Variants in EPOR observed in about 807,000 individuals in gnomAD.
EPOR encodes the protein erythropoietin receptor.
A neutral mutation model predicts 34.3 loss-of-function variants in EPOR; 20 were observed. The ratio of observed to expected loss-of-function variants is 0.58; its 90% confidence interval spans 0.41 to 0.85. The LOEUF is 0.85. Among genes scored for constraint, EPOR ranks in the 40% least tolerant of loss-of-function variants. The pLI, the probability that EPOR is intolerant of heterozygous loss-of-function variation, is 0.00. For synonymous variants in EPOR, 312 were observed against 299.0 expected (o/e 1.04, Z -0.45); for missense variants, 601 against 672.7 (o/e 0.89, Z 1.18).
chr19:11,381,894 C>T lies in EPOR; in HGVS notation c.427+36G>A. ...TCAGGTGGGCGAGGACTGAGACCCT[C>T]TCCTCCGACCACTCCTCCATTCCCA... On this transcript the variant is annotated intron_variant, in intron 3 of 7. Coordinates refer to ENST00000222139, the MANE Select transcript of EPOR (RefSeq NM_000121.4). The surrounding 1 kb of genome is among the most constrained non-coding windows in gnomAD (Gnocchi z 5.3). 2 of 1,614,242 alleles carry T rather than the reference C, an allele frequency of 1.2e-6. No individual in the cohort carries two copies. Among genetic ancestry groups the T allele is most frequent in the Non-Finnish European group, 1.7e-6 (2 of 1,180,030 alleles).
rs771993916 is a variant in EPOR at position 11,378,794 on chromosome 19, T to C, written c.828-16A>G. The C allele has an allele frequency of 6.2e-7, 1 of 1,613,062 alleles. No individual in the cohort carries two copies. Among genetic ancestry groups the C allele is most frequent in the Non-Finnish European group, 8.5e-7 (1 of 1,179,250 alleles). The stretch of plus-strand genomic sequence containing the variant: ...CTTCAGAGCCCTGTTGAAGCCAATA[T>C]AAATAGTTACATAGATATGACTCAT... On this transcript the variant is annotated splice_polypyrimidine_tract_variant and intron_variant, in intron 6 of 7. Coordinates refer to ENST00000222139, the MANE Select transcript of EPOR (RefSeq NM_000121.4). This position sits in a 1 kb window ranked among gnomAD's most constrained non-coding sequence, Gnocchi z 5.3.
chr19:11,378,362 C>T lies in EPOR; in HGVS notation c.1149G>A (p.Glu383=). ...CACTGCCACCAGGCCCTGGGAGGTC[C>T]TCACTGGGCGGGTTCCGGGGCAGCA... ...KWLLPRNPPS[E]DLPGPGGSVD... is the part of the protein sequence containing the mutation. Residue 383 remains glutamate, a synonymous_variant, in exon 8 of 8, where the codon GAG becomes GAA. Coordinates refer to ENST00000222139, the MANE Select transcript of EPOR (RefSeq NM_000121.4). The surrounding 1 kb of genome is among the most constrained non-coding windows in gnomAD (Gnocchi z 5.3). 6.2e-7 allele frequency: 1 copy of T among 1,613,384 alleles called. No individual in the cohort carries two copies.
At position 11,378,010 on chromosome 19, in the gene EPOR, G is replaced by A. The variant is rs369228469; in HGVS notation, c.1501C>T (p.Pro501Ser). The A allele has an allele frequency of 1.2e-6, 2 of 1,614,036 alleles. No homozygotes were observed. Among genetic ancestry groups the A allele is most frequent in the African/African-American group, 2.7e-5 (2 of 74,918 alleles). The part of the protein sequence containing the change: ...NSLIPAAEPL[P>S]PSYVACS Reference sequence around the variant, plus strand: ...TAAGAGCAAGCCACATAGCTGGGGGGCAGAGGCTCAGCGGCTGGGATAAGG... The same window carrying A: ...TAAGAGCAAGCCACATAGCTGGGGGACAGAGGCTCAGCGGCTGGGATAAGG... Residue 501 changes from proline to serine, a missense_variant, in exon 8 of 8, where the codon CCC becomes TCC. Coordinates refer to ENST00000222139, the MANE Select transcript of EPOR (RefSeq NM_000121.4). The surrounding 1 kb of genome is among the most constrained non-coding windows in gnomAD (Gnocchi z 5.3).
chr19:11,383,983 G>A lies in EPOR; in HGVS notation c.115+110C>T. On this transcript the variant is annotated intron_variant, in intron 1 of 7. Coordinates refer to ENST00000222139, the MANE Select transcript of EPOR (RefSeq NM_000121.4). The surrounding 1 kb of genome is among the most constrained non-coding windows in gnomAD (Gnocchi z 4.9). ...ATGCCAGCTTGGCCCCCAGGACCCG[G>A]TCAGGAAGTCCAGAAACAGGCATGG... 1 of 784,716 alleles carries A rather than the reference G, an allele frequency of 1.3e-6. No individual in the cohort carries two copies. 48.6% of individuals were successfully genotyped at this position (784,716 alleles called of 1,614,324 possible).
At position 11,381,072 on chromosome 19, in the gene EPOR, C is replaced by A. The variant is rs984466358; in HGVS notation, c.723G>T (p.Ser241=). The change falls in exon 5 of 8, where the codon TCG becomes TCT. Residue 241 remains serine (S), a synonymous_variant. Coordinates refer to ENST00000222139, the MANE Select transcript of EPOR (RefSeq NM_000121.4). This position sits in a 1 kb window ranked among gnomAD's most constrained non-coding sequence, Gnocchi z 5.3. ...GFWSAWSEPV[S]LLTPSDLDPL... Reference sequence around the variant, plus strand: ...GGGCCTCACCGCTAGGCGTCAGCAGCGACACAGGCTCCGACCAGGCGCTCC... The same window carrying A: ...GGGCCTCACCGCTAGGCGTCAGCAGAGACACAGGCTCCGACCAGGCGCTCC... 2.5e-6 allele frequency: 4 copies of A among 1,602,074 alleles called. No individual in the cohort carries two copies. The Admixed American group carries it at 5.1e-5, about 20-fold the overall frequency.
rs748484141 is a variant in EPOR at position 11,381,746 on chromosome 19, G to T, written c.531C>A (p.His177Gln). The T allele has an allele frequency of 3.1e-6, 5 of 1,613,290 alleles. No individual in the cohort carries two copies. Among genetic ancestry groups the T allele is most frequent in the South Asian group, 2.2e-5 (2 of 90,962 alleles). ...LPPPETPMTS[H>Q]IRYEVDVSAG... is the part of the protein sequence containing the mutation. ...CCGAGACGTCCACCTCGTAGCGGAT[G>T]TGAGACGTCATGGGTGTCTCAGGCG... Residue 177 changes from histidine (H) to glutamine (Q), a missense_variant, in exon 4 of 8, where the codon CAC becomes CAA. His to Gln is a conservative substitution (Grantham distance 24, BLOSUM62 0). Coordinates refer to ENST00000222139, the MANE Select transcript of EPOR (RefSeq NM_000121.4). This position sits in a 1 kb window ranked among gnomAD's most constrained non-coding sequence, Gnocchi z 5.3.
At chr19:11,382,997 G>C (rs767650943) in intron 2 of EPOR, 100 bp downstream of exon 2, 41 of 1,600,096 alleles carry the variant, frequency 2.6e-5, no homozygotes, top group Non-Finnish European at 3.1e-5. Flanking sequence ...AGGCGCCGTC[G>C]GGCCTCAAAC....
Position 11,384,249 on chromosome 19 carries a change from C to T in EPOR, c.-42G>A. ...CGGGGAGCCCAGGGCTCCTGCCCCTCCGTCCCCCGCCCCCGGCACAGTCCA... is the reference window on the plus strand; with the variant it reads ...CGGGGAGCCCAGGGCTCCTGCCCCTTCGTCCCCCGCCCCCGGCACAGTCCA... On this transcript the variant is annotated 5_prime_UTR_variant, in exon 1 of 8. Transcript: ENST00000222139. 5 of 1,305,574 alleles carry T rather than the reference C, an allele frequency of 3.8e-6. No individual in the cohort carries two copies. The highest frequency in any genetic ancestry group is 5.3e-6 in the Non-Finnish European group (5 of 935,098). 80.9% of individuals were successfully genotyped at this position (1,305,574 alleles called of 1,614,324 possible).
Position 11,384,251 on chromosome 19 carries a change from G to A in EPOR, c.-44C>T, listed in dbSNP as rs947377735. The A allele has an allele frequency of 3.1e-6, 4 of 1,290,012 alleles. No individual in the cohort carries two copies. The East Asian group carries it at 1.0e-4, about 33-fold the overall frequency. The allele number at this position is 1,290,012 out of a possible 1,614,324, so 79.9% of individuals were successfully genotyped here. The stretch of plus-strand genomic sequence containing the variant: ...GGGAGCCCAGGGCTCCTGCCCCTCC[G>A]TCCCCCGCCCCCGGCACAGTCCACA... On this transcript the variant is annotated 5_prime_UTR_variant, in exon 1 of 8. It adds an upstream start codon to the 5' untranslated region. Transcript: ENST00000222139.
chr19:11,382,972 A>G, intron 2 of EPOR, 125 bp downstream of exon 2: 1 of 1,583,104 alleles, frequency 6.3e-7, no homozygotes, highest in Non-Finnish European at 8.5e-7. Flanking sequence ...GTTTCCCTCC[A>G]GTGACCACGA....
At chr19:11,382,661 T>C (rs998345124) in intron 2 of EPOR, among the ~76,000 whole-genome samples, 5 of 151,670 alleles carry the variant, frequency 3.3e-5, no homozygotes, top group African/African-American at 4.8e-5. Context: ...CCGCGCCCAG[T>C]CTAATTTTTT....
Position 11,377,450 on chromosome 19 carries a change from GT to G in EPOR, c.*533del. ...CTTTTTCTTCCCTTGCTGACTGGCA[GT>G]TTGTAGAACAGGGGATCCATCTAAG... On this transcript the variant is annotated 3_prime_UTR_variant, in exon 8 of 8. Transcript: ENST00000222139. The G allele has an allele frequency of 2.2e-6, 1 of 454,090 alleles. No homozygotes were observed. The highest frequency in any genetic ancestry group is 4.4e-6 in the Non-Finnish European group (1 of 226,786). 28.1% of individuals were successfully genotyped at this position (454,090 alleles called of 1,614,324 possible). A position where few individuals can be genotyped will look rare whatever the true frequency, so the allele number is the denominator to read the frequency against.
In EPOR at chr19:11,377,804, A is replaced by C. The variant is rs746928121; in HGVS notation, c.*180T>G. 1.9e-5 allele frequency: 15 copies of C among 781,244 alleles called. No homozygotes were observed. The highest frequency in any genetic ancestry group is 8.5e-5 in the African/African-American group (5 of 59,020). The allele number at this position is 781,244 out of a possible 1,614,324, so 48.4% of individuals were successfully genotyped here. On this transcript the variant is annotated 3_prime_UTR_variant, in exon 8 of 8. Transcript: ENST00000222139. Reference sequence around the variant, plus strand: ...ATATATATATATAGATACAAAAAAAAACTATACATATTTAAAAATACTGCA... The same window carrying C: ...ATATATATATATAGATACAAAAAAACACTATACATATTTAAAAATACTGCA...
rs2144697896 is a variant in EPOR at position 11,381,627 on chromosome 19, C to T, written c.585+65G>A. On this transcript the variant is annotated intron_variant, in intron 4 of 7. Coordinates refer to ENST00000222139, the MANE Select transcript of EPOR (RefSeq NM_000121.4). This position sits in a 1 kb window ranked among gnomAD's most constrained non-coding sequence, Gnocchi z 5.3. ...CTGAAAGCGGCACCGGGCGCGACCT[C>T]GAGAGGCGTGGCTGGGCCGTAGTCA... 1 of 1,529,180 alleles carries T rather than the reference C, an allele frequency of 6.5e-7. No homozygotes were observed. Among genetic ancestry groups the T allele is most frequent in the Middle Eastern group, 2.2e-4 (1 of 4,596 alleles). The allele number at this position is 1,529,180 out of a possible 1,614,324, so 94.7% of individuals were successfully genotyped here.
chr19:11,381,773 CG>C lies in EPOR; in HGVS notation c.503del (p.Pro168ArgfsTer7), dbSNP rs759629676. ...ESGHVVLRWL[P>X]PPETPMTSHI... The stretch of plus-strand genomic sequence containing the variant: ...GAGACGTCATGGGTGTCTCAGGCGG[CG>C]GGAGCCAGCGCAACACTACGTGGCC... On this transcript the variant is annotated frameshift_variant, in exon 4 of 8. Coordinates refer to ENST00000222139, the MANE Select transcript of EPOR (RefSeq NM_000121.4). LOFTEE classifies it high-confidence loss of function. The surrounding 1 kb of genome is among the most constrained non-coding windows in gnomAD (Gnocchi z 5.3). 2 of 1,613,314 alleles carry C rather than the reference CG, an allele frequency of 1.2e-6. No homozygotes were observed. The highest frequency in any genetic ancestry group is 1.7e-6 in the Non-Finnish European group (2 of 1,179,730).
In EPOR at chr19:11,381,080, G is replaced by A. The variant is rs765522005; in HGVS notation, c.715C>T (p.Pro239Ser). The A allele has an allele frequency of 6.2e-7, 1 of 1,601,218 alleles. No homozygotes were observed. Among genetic ancestry groups the A allele is most frequent in the South Asian group, 1.1e-5 (1 of 88,998 alleles). The change falls in exon 5 of 8, where the codon CCT becomes TCT. Residue 239 changes from proline to serine, a missense_variant. Physicochemically the swap from Pro to Ser is moderately conservative, Grantham distance 74. Coordinates refer to ENST00000222139, the MANE Select transcript of EPOR (RefSeq NM_000121.4). The surrounding 1 kb of genome is among the most constrained non-coding windows in gnomAD (Gnocchi z 5.3). ...FGGFWSAWSE[P>S]VSLLTPSDLD... The stretch of plus-strand genomic sequence containing the variant: ...CCGCTAGGCGTCAGCAGCGACACAG[G>A]CTCCGACCAGGCGCTCCAGAAGCCG...
In EPOR at chr19:11,381,137, C is replaced by T. The variant is rs772835927; in HGVS notation, c.658G>A (p.Val220Ile). The change falls in exon 5 of 8, where the codon GTC (valine) becomes ATC (isoleucine). Residue 220 changes from valine (V) to isoleucine (I), a missense_variant. Transcript: ENST00000222139. The surrounding 1 kb of genome is among the most constrained non-coding windows in gnomAD (Gnocchi z 5.3). ...CTCGGCTCAGCCATACGCGCGCGGACGGCGAAGGTGTAGCGCGTCCGGCCC... is the reference window on the plus strand; with the variant it reads ...CTCGGCTCAGCCATACGCGCGCGGATGGCGAAGGTGTAGCGCGTCCGGCCC... ...LRGRTRYTFA[V>I]RARMAEPSFG... is the part of the protein sequence containing the mutation. 3.2e-6 allele frequency: 5 copies of T among 1,567,812 alleles called. No homozygotes were observed. Among genetic ancestry groups the T allele is most frequent in the South Asian group, 1.2e-5 (1 of 85,676 alleles).
In EPOR at chr19:11,381,329, G is replaced by A; in HGVS notation, c.586-120C>T. ...AAACGGTGCCCTAGAATTGCAATGG[G>A]ACCAATAAGAGTAGGGGGAGGAGCC... is the stretch of plus-strand genomic sequence containing the variant. On this transcript the variant is annotated intron_variant, in intron 4 of 7. Coordinates refer to ENST00000222139, the MANE Select transcript of EPOR (RefSeq NM_000121.4). This position sits in a 1 kb window ranked among gnomAD's most constrained non-coding sequence, Gnocchi z 5.3. 9.0e-7 allele frequency: 1 copy of A among 1,108,316 alleles called. No individual in the cohort carries two copies. Among genetic ancestry groups the A allele is most frequent in the East Asian group, 2.6e-5 (1 of 38,946 alleles). 68.7% of individuals were successfully genotyped at this position (1,108,316 alleles called of 1,614,324 possible). A position where few individuals can be genotyped will look rare whatever the true frequency, so the allele number is the denominator to read the frequency against.
Position 11,382,022 on chromosome 19 carries a change from G to A in EPOR, c.335C>T (p.Ala112Val), listed in dbSNP as rs373833534. Residue 112 changes from alanine to valine, a missense_variant, in exon 3 of 8, where the codon GCC becomes GTC. Physicochemically the swap from Ala to Val is moderately conservative, Grantham distance 64. Transcript: ENST00000222139. ...TAGGGGCACGAAGCTCGACGTGTCG[G>A]CTGTAGGCAGCGAACACCAGAAGCG... ...AVRFWCSLPT[A>V]DTSSFVPLEL... 5.0e-5 allele frequency: 80 copies of A among 1,614,088 alleles called. No homozygotes were observed. Among genetic ancestry groups the A allele is most frequent in the Non-Finnish European group, 5.8e-5 (69 of 1,180,018 alleles).
Sources: allele counts gnomAD v4.1 joint callset (sites outside exome capture counted in the v4.1 genomes callset), GRCh38; gene constraint gnomAD v4.1.1; non-coding constraint Gnocchi (gnomAD v3.1); transcripts MANE v1.5; gene names NCBI Gene and HGNC (gene_info 2026-07-23, HGNC 2026-07-21).